Variants in TRABD2B observed in about 807,000 individuals in gnomAD.
TRABD2B encodes the protein TraB domain containing 2B, also known as metalloprotease TIKI2.
In TRABD2B, 14 loss-of-function variants were observed where a neutral mutation model predicts 40.1. The ratio of observed to expected loss-of-function variants is 0.35; its 90% CI spans 0.23 to 0.55. The LOEUF (loss-of-function observed/expected upper bound fraction) is 0.55. Ranked by LOEUF, TRABD2B falls within the 20% of genes least tolerant of loss-of-function variation. The probability of loss-of-function intolerance (pLI) is 0.90; values close to 1 mark genes in which losing one functional copy is unlikely to be tolerated. For synonymous variants in TRABD2B, 263 were observed against 277.0 expected (o/e 0.95, Z 0.50); for missense variants, 541 against 648.6 (o/e 0.83, Z 1.80).
chr1:47,838,238 TG>T (rs775537698), intron 2 of TRABD2B, among the ~76,000 whole-genome samples: 6 of 152,348 alleles, frequency 3.9e-5, no homozygotes, highest in Non-Finnish European at 8.8e-5. Flanking sequence ...CTGACCTTTC[TG>T]GAAGTCATTC....
chr1:47,858,204 CTTTAT>C (rs201856478), intron 2 of TRABD2B, among the ~76,000 whole-genome samples: 17,019 of 134,600 alleles, frequency 0.13, 1,193 homozygotes, highest in South Asian at 0.19. Flanking sequence ...CTTTATTTTA[CTTTAT>C]TTTATTTTAT....
intron 2 of TRABD2B, among the ~76,000 whole-genome samples, chr1:47,806,498 T>C (rs1225564997): frequency 1.3e-5 from 2 of 152,208 alleles, no homozygotes; most frequent in South Asian, 2.1e-4. Context: ...ATAATGTTTA[T>C]GATAAGGCTT....
chr1:47,850,851 G>C (rs1183714394), intron 2 of TRABD2B, among the ~76,000 whole-genome samples: 1 of 152,242 alleles, frequency 6.6e-6, no homozygotes, highest in African/African-American at 2.4e-5. Context: ...AGACTCGGGG[G>C]TTGGGAGATG....
At chr1:47,952,387 A>T (rs1645358087) in intron 2 of TRABD2B, among the ~76,000 whole-genome samples, 1 of 152,146 alleles carries the variant, frequency 6.6e-6, no homozygotes, top group Non-Finnish European at 1.5e-5. Flanking sequence ...GCTGGGCTCC[A>T]CTAAGACCCT....
In TRABD2B at chr1:47,762,120, T is replaced by G. The variant is rs1341033135; in HGVS notation, c.*3782A>C. ...GCTATCTGTGTTGATCCTCAATGGA[T>G]GAGCAGTTACAGGGGAGAGAAGGGA... On this transcript the variant is annotated 3_prime_UTR_variant, in exon 7 of 7. Coordinates refer to ENST00000606738, the MANE Select transcript of TRABD2B (RefSeq NM_001194986.2). 1.3e-5 allele frequency: 2 copies of G among 152,116 alleles called. No homozygotes were observed. The highest frequency in any genetic ancestry group is 4.8e-5 in the African/African-American group (2 of 41,400). The allele number at this position is 152,116 out of a possible 1,614,324, so 9.4% of individuals were successfully genotyped here. A position where few individuals can be genotyped will look rare whatever the true frequency, so the allele number is the denominator to read the frequency against.
intron 2 of TRABD2B, among the ~76,000 whole-genome samples, chr1:47,858,204 CTTTATTTTATTTTAT>C (rs201856478): frequency 0.25 from 34,222 of 134,802 alleles, 4,722 homozygotes; most frequent in Non-Finnish European, 0.3. Context: ...CTTTATTTTA[CTTTATTTTATTTTAT>C]TTTATTTTAT....
chr1:47,819,744 G>A (rs182153295), intron 2 of TRABD2B: 2 of 152,314 alleles, frequency 1.3e-5, no homozygotes, highest in East Asian at 1.9e-4. Flanking sequence ...CCAGGCCAGT[G>A]TGGAGTAATC....
At chr1:47,992,601 C>T (rs1284311827) in intron 2 of TRABD2B, among the ~76,000 whole-genome samples, 2 of 152,198 alleles carry the variant, frequency 1.3e-5, no homozygotes, top group Non-Finnish European at 2.9e-5. Flanking sequence ...ACAAACCTGC[C>T]TCCGAAATGA....
At chr1:47,897,393 A>G (rs960565330) in intron 2 of TRABD2B, among the ~76,000 whole-genome samples, 15 of 152,102 alleles carry the variant, frequency 9.9e-5, no homozygotes, top group African/African-American at 3.6e-4. Flanking sequence ...AGAAGGAGTA[A>G]CCTGCGGAAT....
chr1:47,817,377 C>T (rs1645048385), intron 2 of TRABD2B, among the ~76,000 whole-genome samples: 1 of 152,154 alleles, frequency 6.6e-6, no homozygotes, highest in South Asian at 2.1e-4. Context: ...AACAGAACCT[C>T]GGGATTGGGG....
chr1:47,882,004 A>G (rs1269573662), intron 2 of TRABD2B, among the ~76,000 whole-genome samples: 1 of 152,164 alleles, frequency 6.6e-6, no homozygotes, highest in Non-Finnish European at 1.5e-5. Flanking sequence ...GGGTGACTGC[A>G]ACAGTAATCC....
rs190659257 is a variant in TRABD2B, at chr1:47,943,931, C to T, written c.666+50103G>A. Among the ~76,000 whole-genome samples the T allele has an allele frequency of 5.3e-5, 8 of 152,334 alleles. No individual in the cohort carries two copies. In the East Asian group the frequency reaches 1.5e-3, roughly 29 times the overall value. ...GGCCCCATGCTTGTTGCTTTACACA[C>T]ATTATGTCTTCTAATCAATGCTGAC... On this transcript the variant is annotated intron_variant, in intron 2 of 6. Coordinates refer to ENST00000606738, the MANE Select transcript of TRABD2B (RefSeq NM_001194986.2).
chr1:47,913,179 G>A (rs911107315), intron 2 of TRABD2B, among the ~76,000 whole-genome samples: 1 of 152,128 alleles, frequency 6.6e-6, no homozygotes, highest in Non-Finnish European at 1.5e-5. Flanking sequence ...TCCTCTCCAT[G>A]CTTAGCCCCA....
rs1176885569 is a variant in TRABD2B, at chr1:47,994,492, C to T, written c.208G>A (p.Asp70Asn). 5.9e-6 allele frequency: 9 copies of T among 1,536,038 alleles called. No individual in the cohort carries two copies. In the African/African-American group the frequency reaches 6.8e-5, roughly 12 times the overall value. The part of the protein sequence containing the change: ...PYTRVWDFIP[D>N]NSKAAFQAST... ...GCCTGGAAGGCTGCCTTGGAGTTGT[C>T]CGGGATGAAGTCCCAGACGCGGGTG... The change falls in exon 2 of 7, where the codon GAC becomes AAC. Residue 70 changes from aspartate to asparagine, a missense_variant. By Grantham distance (23) the Asp-to-Asn change is conservative. This residue lies in a region of TRABD2B where 369 missense variants were observed against 492.8 expected (regional missense o/e 0.75). Transcript: ENST00000606738. This position sits in a 1 kb window ranked among gnomAD's most constrained non-coding sequence, Gnocchi z 6.7.
In TRABD2B at chr1:47,778,457, T is replaced by C; in HGVS notation, c.1076A>G (p.His359Arg). 1 of 1,535,590 alleles carries C rather than the reference T, an allele frequency of 6.5e-7. No homozygotes were observed. Among genetic ancestry groups the C allele is most frequent in the Non-Finnish European group, 8.7e-7 (1 of 1,146,404 alleles). ...GGCACACCCAGATGTGGCTTACCTG[T>C]GTATGGCCTGCCCGGCGGGTGTGTG... ...VDHTPAGQAI[H>R]SPAPQSPAPS... Residue 359 changes from histidine to arginine, a missense_variant, in exon 5 of 7, where the codon CAC becomes CGC. Physicochemically the swap from His to Arg is conservative, Grantham distance 29. Coordinates refer to ENST00000606738, the MANE Select transcript of TRABD2B (RefSeq NM_001194986.2).
At chr1:47,921,910 A>G (rs1291644632) in intron 2 of TRABD2B, among the ~76,000 whole-genome samples, 1 of 152,220 alleles carries the variant, frequency 6.6e-6, no homozygotes. Context: ...AGTCTATACA[A>G]GCTCACTAAT....
At chr1:47,960,540 C>A (rs913706286) in intron 2 of TRABD2B, among the ~76,000 whole-genome samples, 1 of 152,134 alleles carries the variant, frequency 6.6e-6, no homozygotes, top group Non-Finnish European at 1.5e-5. Flanking sequence ...AATCAATGTG[C>A]AAAAATCACA....
intron 2 of TRABD2B, among the ~76,000 whole-genome samples, chr1:47,946,091 G>A (rs1369713758): frequency 6.6e-6 from 1 of 152,148 alleles, no homozygotes; most frequent in Non-Finnish European, 1.5e-5. Context: ...TGGATTAACT[G>A]TACTGTAGTA....
At chr1:47,769,371 T>C (rs1336137531) in intron 6 of TRABD2B, among the ~76,000 whole-genome samples, 2 of 152,176 alleles carry the variant, frequency 1.3e-5, no homozygotes, top group Non-Finnish European at 2.9e-5. Flanking sequence ...AAGTAGGAGT[T>C]ATGAATACTA....
Sources: allele counts gnomAD v4.1 joint callset (sites outside exome capture counted in the v4.1 genomes callset), GRCh38; gene constraint gnomAD v4.1.1; regional missense constraint gnomAD v4.1.1; non-coding constraint Gnocchi (gnomAD v3.1); transcripts MANE v1.5; gene names NCBI Gene and HGNC (gene_info 2026-07-23, HGNC 2026-07-21).